The following GRB2 variants were observed in gnomAD, a reference collection of about 807,000 sequenced individuals.
GRB2 encodes growth factor receptor-bound protein 2.
In GRB2, 2 loss-of-function variants were observed where a neutral mutation model predicts 27.4. The ratio of observed to expected loss-of-function variants is 0.07; its 90% CI spans 0.03 to 0.23. The LOEUF is 0.23. Ranked by LOEUF, GRB2 falls within the 10% of genes least tolerant of loss-of-function variation. The pLI is 1.00. For synonymous variants in GRB2, 94 were observed against 99.6 expected (o/e 0.94, Z 0.33); for missense variants, 102 against 282.4 (o/e 0.36, Z 4.58).
At chr17:75,405,331 TAG>T (rs2079092718) in intron 1 of GRB2, 156 bp downstream of exon 1, 1 of 152,322 alleles carries the variant, frequency 6.6e-6, no homozygotes, top group Non-Finnish European at 1.5e-5. Context: ...AGGGGAAACG[TAG>T]AGTCCGGAGC....
At chr17:75,324,507 G>GTGTTTTTTT (rs1555608338) in intron 4 of GRB2, among the ~76,000 whole-genome samples, 1 of 36,704 alleles carries the variant, frequency 2.7e-5, no homozygotes, top group Non-Finnish European at 5.7e-5. Context: ...ACCGCACCCA[G>GTGTTTTTTT]TTTTTTTTTT....
At chr17:75,354,056 C>T (rs1018818719) in intron 2 of GRB2, among the ~76,000 whole-genome samples, 6 of 151,254 alleles carry the variant, frequency 4.0e-5, no homozygotes, top group South Asian at 2.1e-4. Context: ...AAAACAAAAA[C>T]GAAAGGGTGC....
intron 1 of GRB2, among the ~76,000 whole-genome samples, chr17:75,395,194 C>T (rs1804994502): frequency 6.6e-6 from 1 of 152,152 alleles, no homozygotes; most frequent in Admixed American, 6.6e-5. Context: ...TAAGATTAGA[C>T]CAAGATAAGT....
At chr17:75,369,855 C>CAAAA (rs11368419) in intron 2 of GRB2, among the ~76,000 whole-genome samples, 7 of 144,696 alleles carry the variant, frequency 4.8e-5, no homozygotes, top group East Asian at 2.0e-4. Flanking sequence ...GACTCCGTCT[C>CAAAA]AAAAAAAAAA....
chr17:75,377,373 C>T (rs1400300977), intron 2 of GRB2, among the ~76,000 whole-genome samples: 2 of 151,864 alleles, frequency 1.3e-5, no homozygotes, highest in Non-Finnish European at 2.9e-5. Context: ...GTAATCCCAA[C>T]ACTTTGGGAG....
intron 1 of GRB2, 176 bp downstream of exon 1, chr17:75,405,313 G>T (rs1412238194): frequency 6.6e-6 from 1 of 152,388 alleles, no homozygotes; most frequent in African/African-American, 2.4e-5. Flanking sequence ...GGAAGGAAGC[G>T]CCCCAAAAGG....
At chr17:75,363,652 G>C (rs939479995) in intron 2 of GRB2, among the ~76,000 whole-genome samples, 4 of 151,950 alleles carry the variant, frequency 2.6e-5, no homozygotes, top group African/African-American at 4.8e-5. Context: ...CAAGTCAAGA[G>C]ATCGAGACCA....
intron 4 of GRB2, among the ~76,000 whole-genome samples, chr17:75,322,081 TAA>T (rs748908043): frequency 2.6e-5 from 4 of 152,072 alleles, no homozygotes; most frequent in African/African-American, 7.2e-5. Context: ...GTTTGTAAGA[TAA>T]AGAGTCCAGG....
At chr17:75,321,530 C>A in intron 5 of GRB2, 129 bp downstream of exon 5, 1 of 782,376 alleles carries the variant, frequency 1.3e-6, no homozygotes. Context: ...GTAAGGAGCA[C>A]AGAAGCCCCA....
intron 2 of GRB2, among the ~76,000 whole-genome samples, chr17:75,388,294 G>T (rs1048284023): frequency 4.6e-5 from 7 of 151,770 alleles, no homozygotes; most frequent in Non-Finnish European, 1.0e-4. Flanking sequence ...GTAGAGATGG[G>T]GTTTCACCAT....
At chr17:75,374,623 A>G (rs756853359) in intron 2 of GRB2, among the ~76,000 whole-genome samples, 8 of 150,936 alleles carry the variant, frequency 5.3e-5, no homozygotes, top group Non-Finnish European at 8.9e-5. Flanking sequence ...ACACACACAC[A>G]CAAACACACA....
intron 1 of GRB2, among the ~76,000 whole-genome samples, chr17:75,400,177 C>T (rs1215315774): frequency 6.6e-6 from 1 of 151,668 alleles, no homozygotes; most frequent in East Asian, 1.9e-4. Context: ...TTTGTAAATA[C>T]ATACTCCTTT....
chr17:75,385,731 A>G (rs1169759560), intron 2 of GRB2, among the ~76,000 whole-genome samples: 1 of 152,158 alleles, frequency 6.6e-6, no homozygotes, highest in African/African-American at 2.4e-5. Context: ...GAAGTTGAAT[A>G]CTTAGCTTAG....
chr17:75,341,459 A>AG (rs2078620723), intron 2 of GRB2, among the ~76,000 whole-genome samples: 1 of 151,218 alleles, frequency 6.6e-6, no homozygotes, highest in African/African-American at 2.4e-5. Context: ...AAAAAAAAAA[A>AG]AAAAAAAAAA....
chr17:75,328,667 G>T (rs1358682700), intron 3 of GRB2, among the ~76,000 whole-genome samples: 1 of 151,446 alleles, frequency 6.6e-6, no homozygotes, highest in Non-Finnish European at 1.5e-5. Flanking sequence ...GGCCGGGTGT[G>T]GTGGCTCACG....
chr17:75,354,397 G>A (rs2078716837), intron 2 of GRB2, among the ~76,000 whole-genome samples: 1 of 152,014 alleles, frequency 6.6e-6, no homozygotes. Context: ...TGAGTAGCTG[G>A]GATTACAGGT....
At chr17:75,355,816 C>CTTT (rs1170570570) in intron 2 of GRB2, among the ~76,000 whole-genome samples, 20 of 115,678 alleles carry the variant, frequency 1.7e-4, no homozygotes, top group South Asian at 2.8e-4. Context: ...TTCCTTTCTT[C>CTTT]TTTTTTTTTT....
At chr17:75,373,558 T>C (rs927960607) in intron 2 of GRB2, 3 of 152,202 alleles carry the variant, frequency 2.0e-5, no homozygotes, top group African/African-American at 7.2e-5. Flanking sequence ...CGTATCTGCA[T>C]GGACAAAGCA....
chr17:75,383,172 G>GC (rs2078940683), intron 2 of GRB2, among the ~76,000 whole-genome samples: 1 of 152,140 alleles, frequency 6.6e-6, no homozygotes, highest in South Asian at 2.1e-4. Flanking sequence ...TCCCAAGGCT[G>GC]TTTTTTCAAA....
Sources: allele counts gnomAD v4.1 joint callset (sites outside exome capture counted in the v4.1 genomes callset), GRCh38; gene constraint gnomAD v4.1.1; transcripts MANE v1.5; gene names NCBI Gene and HGNC (gene_info 2026-07-23, HGNC 2026-07-21).